Variants in KSR2 observed in about 807,000 individuals in gnomAD.
The protein encoded by KSR2 is kinase suppressor of ras 2.
Under a neutral mutation model 107.8 loss-of-function variants are expected in KSR2, and 25 were observed. That is an observed-to-expected ratio of 0.23 (90% CI 0.17 to 0.32). The LOEUF is 0.32. Among genes scored for constraint, KSR2 ranks in the 10% least tolerant of loss-of-function variants. The pLI, the probability that KSR2 is intolerant of heterozygous loss-of-function variation, is 1.00. For synonymous variants in KSR2, 480 were observed against 507.0 expected (o/e 0.95, Z 0.71); for missense variants, 887 against 1,268.9 (o/e 0.70, Z 4.57).
chr12:117,708,521 G>A (rs1053458192), intron 4 of KSR2, among the ~76,000 whole-genome samples: 2 of 152,294 alleles, frequency 1.3e-5, no homozygotes, highest in African/African-American at 2.4e-5. Context: ...ACCTAGTGTA[G>A]TGGATACTGT....
intron 3 of KSR2, among the ~76,000 whole-genome samples, chr12:117,775,422 C>T (rs1259910008): frequency 1.3e-5 from 2 of 152,060 alleles, no homozygotes; most frequent in African/African-American, 4.8e-5. Context: ...CGAGCACTTA[C>T]TGTGGGCTGG....
At chr12:117,709,725 C>T (rs760377279) in intron 4 of KSR2, among the ~76,000 whole-genome samples, 1 of 152,210 alleles carries the variant, frequency 6.6e-6, no homozygotes, top group Non-Finnish European at 1.5e-5. Context: ...AGCCTCAGCA[C>T]TGTTGACATT....
intron 4 of KSR2, among the ~76,000 whole-genome samples, chr12:117,679,485 G>T (rs1565957669): frequency 6.6e-6 from 1 of 152,212 alleles, no homozygotes; most frequent in African/African-American, 2.4e-5. Flanking sequence ...GGAAATAGAA[G>T]ACACAGCTTC....
At chr12:117,753,570 C>G (rs1888681566) in intron 4 of KSR2, among the ~76,000 whole-genome samples, 1 of 152,198 alleles carries the variant, frequency 6.6e-6, no homozygotes, top group Non-Finnish European at 1.5e-5. Context: ...GAACAGAAAA[C>G]CAAATACCGC....
chr12:117,550,498 C>T (rs1247970816), intron 9 of KSR2, among the ~76,000 whole-genome samples: 1 of 152,172 alleles, frequency 6.6e-6, no homozygotes, highest in Admixed American at 6.5e-5. Context: ...CCACTCCCAA[C>T]ACAGGATCAT....
At chr12:117,485,067 G>A (rs761293214) in intron 15 of KSR2, among the ~76,000 whole-genome samples, 3 of 152,140 alleles carry the variant, frequency 2.0e-5, no homozygotes, top group African/African-American at 4.8e-5. Context: ...TTGCCTTTGT[G>A]AGCAGTCACA....
intron 5 of KSR2, among the ~76,000 whole-genome samples, chr12:117,642,709 G>A (rs1416348621): frequency 6.6e-6 from 1 of 152,214 alleles, no homozygotes; most frequent in Non-Finnish European, 1.5e-5. Flanking sequence ...TCAATGATAT[G>A]CTGATCTTGT....
intron 5 of KSR2, among the ~76,000 whole-genome samples, chr12:117,641,421 T>C (rs1883351301): frequency 6.6e-6 from 1 of 152,178 alleles, no homozygotes. Context: ...AGACCACTAG[T>C]AGAATCTTTC....
intron 4 of KSR2, among the ~76,000 whole-genome samples, chr12:117,722,181 C>A (rs12426343): frequency 1.3e-5 from 2 of 151,960 alleles, no homozygotes; most frequent in African/African-American, 4.8e-5. Context: ...AATTTTAATT[C>A]TTTTAAATTT....
chr12:117,544,455 T>C (rs1876715695), intron 9 of KSR2, among the ~76,000 whole-genome samples: 1 of 151,814 alleles, frequency 6.6e-6, no homozygotes, highest in Non-Finnish European at 1.5e-5. Flanking sequence ...CCATCTCTAC[T>C]AAAAAATACA....
intron 5 of KSR2, among the ~76,000 whole-genome samples, chr12:117,625,341 G>T (rs1394898733): frequency 6.6e-6 from 1 of 152,152 alleles, no homozygotes; most frequent in African/African-American, 2.4e-5. Context: ...CTGTGGGTTT[G>T]TCATAAATAG....
intron 4 of KSR2, among the ~76,000 whole-genome samples, chr12:117,752,996 C>T (rs1888661263): frequency 6.6e-6 from 1 of 152,198 alleles, no homozygotes; most frequent in South Asian, 2.1e-4. Context: ...ATCATTCCCT[C>T]TTAATTTTCT....
At chr12:117,656,910 TTG>T (rs1181031631) in intron 5 of KSR2, among the ~76,000 whole-genome samples, 2 of 124,950 alleles carry the variant, frequency 1.6e-5, no homozygotes, top group Admixed American at 8.1e-5. Flanking sequence ...AAACTCCCCT[TTG>T]TGTGTGTGTG....
chr12:117,943,099 C>A (rs1896061163), intron 1 of KSR2, among the ~76,000 whole-genome samples: 1 of 152,110 alleles, frequency 6.6e-6, no homozygotes, highest in South Asian at 2.1e-4. Context: ...TACATGTTTG[C>A]ATGAGGAAAA....
intron 16 of KSR2, among the ~76,000 whole-genome samples, chr12:117,479,824 A>G (rs921552514): frequency 9.9e-5 from 15 of 152,230 alleles, no homozygotes; most frequent in African/African-American, 3.4e-4. Context: ...AGAATCAGGA[A>G]CACCCACAGA....
chr12:117,844,517 G>C (rs1892627465), intron 3 of KSR2, among the ~76,000 whole-genome samples: 1 of 150,364 alleles, frequency 6.7e-6, no homozygotes, highest in Admixed American at 6.6e-5. Flanking sequence ...TTTTTAAAAA[G>C]TTGGCAGTGG....
intron 4 of KSR2, among the ~76,000 whole-genome samples, chr12:117,668,950 AAAGG>A (rs1884785470): frequency 6.6e-6 from 1 of 152,278 alleles, no homozygotes; most frequent in Non-Finnish European, 1.5e-5. Flanking sequence ...CTAAATGGTA[AAAGG>A]AAGGAAGGTA....
chr12:117,701,933 A>G (rs1228242614), intron 4 of KSR2, among the ~76,000 whole-genome samples: 1 of 152,212 alleles, frequency 6.6e-6, no homozygotes, highest in Non-Finnish European at 1.5e-5. Context: ...AAAAATTTCT[A>G]TTGCTTTCAG....
rs769776895 is a variant in KSR2, at chr12:117,524,984, A to G, written c.2087T>C (p.Ile696Thr). 3 of 1,613,844 alleles carry G rather than the reference A, an allele frequency of 1.9e-6. No homozygotes were observed. The highest frequency in any genetic ancestry group is 2.5e-6 in the Non-Finnish European group (3 of 1,179,846). ...GAGCTGGTCCTCGTTGTCCCTCTCA[A>G]TGTCAATCAGCCGGATGGCCACCTC... ...HGEVAIRLID[I>T]ERDNEDQLKA... Residue 696 changes from isoleucine to threonine, a missense_variant, in exon 14 of 20, where the codon ATT (isoleucine) becomes ACT (threonine). By Grantham distance (89) the Ile-to-Thr change is moderately conservative (BLOSUM62 -1). Transcript: ENST00000339824.
Sources: gnomAD v4.1 joint callset for allele counts (sites outside exome capture counted in the v4.1 genomes callset) on GRCh38, gnomAD v4.1.1 for gene constraint, MANE v1.5 for transcripts, NCBI Gene and HGNC (gene_info 2026-07-23, HGNC 2026-07-21) for gene names.